Variants in YWHAZ observed in about 807,000 individuals in gnomAD.
YWHAZ encodes 14-3-3 protein zeta/delta.
For synonymous variants in YWHAZ, 87 were observed against 103.6 expected (o/e 0.84, Z 0.97); for missense variants, 79 against 284.8 (o/e 0.28, Z 5.20).
Position 100,924,849 on chromosome 8 carries a change from C to G in YWHAZ, c.418+67G>C. On this transcript the variant is annotated intron_variant, in intron 3 of 5. Transcript: ENST00000395958. The surrounding 1 kb of genome is among the most constrained non-coding windows in gnomAD (Gnocchi z 5.7). ...AATTCAAAACAAGACATTATGTACG[C>G]TTCAGAGACTCTTCCTCACTATGTT... 1 of 1,597,600 alleles carries G rather than the reference C, an allele frequency of 6.3e-7. No individual in the cohort carries two copies. The highest frequency in any genetic ancestry group is 1.1e-5 in the South Asian group (1 of 89,526).
chr8:100,951,618 G>C (rs971741732), intron 1 of YWHAZ: 1 of 985,386 alleles, frequency 1.0e-6, no homozygotes, highest in Non-Finnish European at 1.2e-6. Flanking sequence ...GGGAGCCGGC[G>C]ACAGGGAGAT....
At position 100,918,179 on chromosome 8, in the gene YWHAZ, C is replaced by T. The variant is rs998908117; in HGVS notation, c.*2514G>A. The T allele has an allele frequency of 1.3e-5, 2 of 151,024 alleles. No homozygotes were observed. The highest frequency in any genetic ancestry group is 2.1e-4 in the South Asian group (1 of 4,788). 9.4% of individuals were successfully genotyped at this position (151,024 alleles called of 1,614,324 possible). ...ACAACATGGTGAAACCCTGTCTCTACTAAAAACACAAAAATTAGCCAGGTG... is the reference window on the plus strand; with the variant it reads ...ACAACATGGTGAAACCCTGTCTCTATTAAAAACACAAAAATTAGCCAGGTG... On this transcript the variant is annotated 3_prime_UTR_variant, in exon 6 of 6. Transcript: ENST00000395958.
intron 2 of YWHAZ, among the ~76,000 whole-genome samples, chr8:100,942,969 G>A (rs1455362285): frequency 2.0e-5 from 3 of 152,194 alleles, no homozygotes; most frequent in East Asian, 3.8e-4. Context: ...TTGGCAATGT[G>A]CACTTTTCTG....
In YWHAZ at chr8:100,919,410, A is replaced by T. The variant is rs1338835044; in HGVS notation, c.*1283T>A. On this transcript the variant is annotated 3_prime_UTR_variant, in exon 6 of 6. Transcript: ENST00000395958. ...AGAAAATGCCATATGCCAAAATTTT[A>T]AATGGAACACACTACATTTTTTTCT... 2 of 152,646 alleles carry T rather than the reference A, an allele frequency of 1.3e-5. No individual in the cohort carries two copies. Among genetic ancestry groups the T allele is most frequent in the Non-Finnish European group, 2.9e-5 (2 of 68,040 alleles). The allele number at this position is 152,646 out of a possible 1,614,324, so 9.5% of individuals were successfully genotyped here. A position where few individuals can be genotyped will look rare whatever the true frequency, so the allele number is the denominator to read the frequency against.
chr8:100,920,976 A>G (rs1812985172), intron 5 of YWHAZ, among the ~76,000 whole-genome samples: 1 of 152,222 alleles, frequency 6.6e-6, no homozygotes, highest in African/African-American at 2.4e-5. Context: ...TTGCCTTCAA[A>G]TAACCTTCAG....
chr8:100,918,408 T>TTATATATATATATATATATATATA lies in YWHAZ; in HGVS notation c.*2261_*2284dup, dbSNP rs71572094. ...AGTCTAGCTATAAAATATAATTACT[T>TTATATATATATATATATATATATA]TATATATATATATATATATATATAT... On this transcript the variant is annotated 3_prime_UTR_variant, in exon 6 of 6. Transcript: ENST00000395958. 101 of 41,834 alleles carry TTATATATATATATATATATATATA rather than the reference T, an allele frequency of 2.4e-3. 3 individuals are homozygous for TTATATATATATATATATATATATA. The highest frequency in any genetic ancestry group is 3.4e-3 in the Non-Finnish European group (71 of 20,768). 2.6% of individuals were successfully genotyped at this position (41,834 alleles called of 1,614,324 possible).
At position 100,917,057 on chromosome 8, in the gene YWHAZ, G is replaced by C. The variant is rs1812737673; in HGVS notation, c.*3636C>G. 6.6e-6 allele frequency: 1 copy of C among 150,610 alleles called. No individual in the cohort carries two copies. The allele number at this position is 150,610 out of a possible 1,614,324, so 9.3% of individuals were successfully genotyped here. A position where few individuals can be genotyped will look rare whatever the true frequency, so the allele number is the denominator to read the frequency against. On this transcript the variant is annotated 3_prime_UTR_variant, in exon 6 of 6. Coordinates refer to ENST00000395958, the MANE Select transcript of YWHAZ (RefSeq NM_145690.3). ...GACCTTTCCCTAGAGGAATGTGTAA[G>C]ACCATCATTGAGCATAGAGCACCAG...
intron 1 of YWHAZ, chr8:100,951,497 T>C: frequency 1.0e-5 from 10 of 985,274 alleles, no homozygotes; most frequent in African/African-American, 1.8e-5. Flanking sequence ...GCCGAGTCAT[T>C]ATCTCGGGCG....
chr8:100,945,218 A>T (rs889337189), intron 2 of YWHAZ, among the ~76,000 whole-genome samples: 1 of 152,192 alleles, frequency 6.6e-6, no homozygotes, highest in Admixed American at 6.5e-5. Flanking sequence ...CATGCCAGTG[A>T]CCACTTCCCG....
intron 2 of YWHAZ, among the ~76,000 whole-genome samples, chr8:100,927,889 G>T (rs969333561): frequency 9.2e-5 from 14 of 152,152 alleles, no homozygotes; most frequent in Non-Finnish European, 1.9e-4. Flanking sequence ...TAACAGGAGG[G>T]CTGGGTAAAC....
chr8:100,948,262 A>G lies in YWHAZ; in HGVS notation c.294+334T>C, dbSNP rs1335203292. On this transcript the variant is annotated intron_variant, in intron 2 of 5. Coordinates refer to ENST00000395958, the MANE Select transcript of YWHAZ (RefSeq NM_145690.3). The surrounding 1 kb of genome is among the most constrained non-coding windows in gnomAD (Gnocchi z 4.2). ...TCCTTTATCCACAGATGTACATTTA[A>G]GATAACCAGCTATAGAGCTACTACA... 1 of 868,574 alleles carries G rather than the reference A, an allele frequency of 1.2e-6. No individual in the cohort carries two copies. The highest frequency in any genetic ancestry group is 2.0e-5 in the South Asian group (1 of 50,686). 53.8% of individuals were successfully genotyped at this position (868,574 alleles called of 1,614,324 possible).
chr8:100,924,546 A>C lies in YWHAZ; in HGVS notation c.419-248T>G, dbSNP rs1813232921. ...TTGTTATGTTTTTAAAAAATTGACG[A>C]GTTTTGACATCCCAGACCCAAGCAA... is the stretch of plus-strand genomic sequence containing the variant. On this transcript the variant is annotated intron_variant, in intron 3 of 5. Coordinates refer to ENST00000395958, the MANE Select transcript of YWHAZ (RefSeq NM_145690.3). This position sits in a 1 kb window ranked among gnomAD's most constrained non-coding sequence, Gnocchi z 5.7. 6.6e-6 allele frequency among the ~76,000 whole-genome samples: 1 copy of C among 152,094 alleles called. No homozygotes were observed. The highest frequency in any genetic ancestry group is 1.5e-5 in the Non-Finnish European group (1 of 68,022).
intron 1 of YWHAZ, chr8:100,951,465 T>G (rs1405644037): frequency 2.0e-6 from 2 of 977,582 alleles, no homozygotes; most frequent in East Asian, 1.1e-4. Context: ...CCTGCGCCAC[T>G]GCGATGCCCG....
intron 2 of YWHAZ, among the ~76,000 whole-genome samples, chr8:100,933,067 T>C (rs367886064): frequency 6.6e-6 from 1 of 152,012 alleles, no homozygotes; most frequent in Admixed American, 6.6e-5. Context: ...GCCATGAAAA[T>C]AGTTGTGACC....
upstream of YWHAZ, chr8:100,952,836 C>T: frequency 1.0e-6 from 1 of 1,000,546 alleles, no homozygotes; most frequent in African/African-American, 1.7e-5. Flanking sequence ...TCCCTCCCGC[C>T]GCCGCGGCTT....
chr8:100,941,349 GGTCT>G (rs1381955768), intron 2 of YWHAZ, among the ~76,000 whole-genome samples: 6 of 152,132 alleles, frequency 3.9e-5, no homozygotes, highest in Admixed American at 2.0e-4. Context: ...TCAACAAATA[GGTCT>G]GTCTCAGAAA....
At chr8:100,929,166 C>T (rs1168808594) in intron 2 of YWHAZ, among the ~76,000 whole-genome samples, 1 of 151,394 alleles carries the variant, frequency 6.6e-6, no homozygotes, top group East Asian at 1.9e-4. Flanking sequence ...ATGATCAAAT[C>T]AGAGTAACTG....
rs554693318 is a variant in YWHAZ, at chr8:100,949,208, CT to C, written c.-11-309del. 1.9e-3 allele frequency among the ~76,000 whole-genome samples: 294 copies of C among 152,288 alleles called. 2 individuals carry two copies. Among genetic ancestry groups the C allele is most frequent in the African/African-American group, 6.8e-3 (283 of 41,548 alleles). On this transcript the variant is annotated intron_variant, in intron 1 of 5. Transcript: ENST00000395958. ...CCAAAAGCTGCCTCAAAAACTACCCCTAATCTTACCTGATCAAAATCTCAAC... is the reference window on the plus strand; with the variant it reads ...CCAAAAGCTGCCTCAAAAACTACCCCAATCTTACCTGATCAAAATCTCAAC...
chr8:100,944,844 G>A (rs192654187), intron 2 of YWHAZ, among the ~76,000 whole-genome samples: 1 of 152,260 alleles, frequency 6.6e-6, no homozygotes, highest in African/African-American at 2.4e-5. Context: ...TTCTCAGAGG[G>A]ACTGAGTGAT....
Sources: gnomAD v4.1 joint callset for allele counts (sites outside exome capture counted in the v4.1 genomes callset) on GRCh38, gnomAD v4.1.1 for gene constraint, Gnocchi (gnomAD v3.1) non-coding constraint, MANE v1.5 for transcripts, NCBI Gene and HGNC (gene_info 2026-07-23, HGNC 2026-07-21) for gene names.